Variants in WWOX observed in about 807,000 individuals in gnomAD.
The protein encoded by WWOX is WW domain-containing oxidoreductase.
A neutral mutation model predicts 46.2 loss-of-function variants in WWOX; 69 were observed. The ratio of observed to expected loss-of-function variants is 1.49; its 90% CI spans 1.23 to 1.82. The LOEUF is 1.82. Ranked by LOEUF, WWOX falls within the 40% of genes most tolerant of loss-of-function variation. WWOX has a pLI of 0.00. For synonymous variants in WWOX, 359 were observed against 202.6 expected (o/e 1.77, Z -6.56); for missense variants, 919 against 542.6 (o/e 1.69, Z -6.89).
intron 5 of WWOX, among the ~76,000 whole-genome samples, chr16:78,374,736 G>C (rs1222616455): frequency 6.6e-6 from 1 of 151,896 alleles, no homozygotes; most frequent in Admixed American, 6.6e-5. Context: ...ATTATTAGTA[G>C]AGATGGGGTT....
chr16:78,586,828 T>G (rs2045219642), intron 8 of WWOX, among the ~76,000 whole-genome samples: 1 of 152,130 alleles, frequency 6.6e-6, no homozygotes, highest in Non-Finnish European at 1.5e-5. Context: ...GGTCTATAAT[T>G]TCAGACTCAG....
intron 5 of WWOX, among the ~76,000 whole-genome samples, chr16:78,330,779 A>T (rs2080737847): frequency 6.6e-6 from 1 of 152,204 alleles, no homozygotes; most frequent in African/African-American, 2.4e-5. Context: ...CACTTCTTTC[A>T]GTCACCCTCA....
At chr16:78,363,625 C>T (rs1269662758) in intron 5 of WWOX, among the ~76,000 whole-genome samples, 1 of 152,134 alleles carries the variant, frequency 6.6e-6, no homozygotes, top group East Asian at 1.9e-4. Context: ...TCTGAGAGTC[C>T]CAGAAGGTAA....
intron 8 of WWOX, among the ~76,000 whole-genome samples, chr16:78,861,460 G>A (rs1411667185): frequency 6.6e-6 from 1 of 152,152 alleles, no homozygotes; most frequent in African/African-American, 2.4e-5. Context: ...ATTATTACAT[G>A]TGGCCATTGT....
At chr16:78,650,277 A>G (rs1453138601) in intron 8 of WWOX, among the ~76,000 whole-genome samples, 2 of 152,206 alleles carry the variant, frequency 1.3e-5, no homozygotes, top group African/African-American at 4.8e-5. Flanking sequence ...TTGAAGATGA[A>G]GAAGTATGTG....
chr16:78,995,655 C>T (rs2046975439), intron 8 of WWOX, among the ~76,000 whole-genome samples: 2 of 152,046 alleles, frequency 1.3e-5, no homozygotes, highest in Admixed American at 6.6e-5. Context: ...ATGGGGACAG[C>T]AAGATTACAT....
At chr16:78,374,611 C>T (rs1037651987) in intron 5 of WWOX, among the ~76,000 whole-genome samples, 3 of 137,432 alleles carry the variant, frequency 2.2e-5, no homozygotes, top group Non-Finnish European at 4.5e-5. Context: ...TGCAGTGGCG[C>T]GATCTTGGCT....
intron 4 of WWOX, among the ~76,000 whole-genome samples, chr16:78,161,385 TTTCTC>T (rs2151732340): frequency 6.6e-6 from 1 of 152,236 alleles, no homozygotes; most frequent in African/African-American, 2.4e-5. Context: ...CTATCCTTTC[TTTCTC>T]TTTTTTCTTT....
At chr16:78,848,439 C>A (rs1205337586) in intron 8 of WWOX, among the ~76,000 whole-genome samples, 2 of 152,290 alleles carry the variant, frequency 1.3e-5, no homozygotes, top group Non-Finnish European at 2.9e-5. Flanking sequence ...AAATGTAAGG[C>A]TCTGAGTGTT....
chr16:79,158,901 C>T (rs990181195), intron 8 of WWOX, among the ~76,000 whole-genome samples: 4 of 152,150 alleles, frequency 2.6e-5, no homozygotes, highest in Non-Finnish European at 5.9e-5. Flanking sequence ...CTGCTGTAGT[C>T]CCAGTTCCTA....
At chr16:78,495,201 C>T (rs1275334759) in intron 8 of WWOX, among the ~76,000 whole-genome samples, 1 of 130,816 alleles carries the variant, frequency 7.6e-6, no homozygotes, top group Non-Finnish European at 1.5e-5. Flanking sequence ...AGTGCGGTGG[C>T]ATGATCTCGG....
At chr16:78,367,444 G>C (rs545723700) in intron 5 of WWOX, among the ~76,000 whole-genome samples, 1 of 152,108 alleles carries the variant, frequency 6.6e-6, no homozygotes, top group South Asian at 2.1e-4. Context: ...CTATCATTAG[G>C]GTTAGTGTAT....
intron 8 of WWOX, among the ~76,000 whole-genome samples, chr16:79,050,776 G>A (rs781634957): frequency 2.0e-4 from 31 of 152,212 alleles, no homozygotes; most frequent in Non-Finnish European, 4.0e-4. Context: ...AGGGTGGGTC[G>A]AACCTGTTGA....
chr16:79,064,309 GT>G (rs2048405049), intron 8 of WWOX, among the ~76,000 whole-genome samples: 1 of 152,354 alleles, frequency 6.6e-6, no homozygotes, highest in East Asian at 1.9e-4. Flanking sequence ...TAAGATGATG[GT>G]TTAGGGCATA....
chr16:78,555,125 T>C (rs1273909268), intron 8 of WWOX, among the ~76,000 whole-genome samples: 1 of 149,136 alleles, frequency 6.7e-6, no homozygotes. Context: ...TCTCTTTCTC[T>C]CTGTCTTTTT....
chr16:79,166,670 C>G (rs371867179), intron 8 of WWOX, among the ~76,000 whole-genome samples: 6 of 152,154 alleles, frequency 3.9e-5, no homozygotes, highest in South Asian at 4.1e-4. Context: ...ATAGAATGAG[C>G]TAACCAAGGC....
At chr16:78,524,652 C>T (rs1238629353) in intron 8 of WWOX, among the ~76,000 whole-genome samples, 5 of 151,696 alleles carry the variant, frequency 3.3e-5, no homozygotes, top group Non-Finnish European at 7.4e-5. Context: ...AACTCCTGAC[C>T]TCGTGATCCA....
chr16:78,588,315 C>G (rs575725257), intron 8 of WWOX, among the ~76,000 whole-genome samples: 1 of 152,160 alleles, frequency 6.6e-6, no homozygotes, highest in African/African-American at 2.4e-5. Context: ...AATGGATAAT[C>G]TGGCTATTGC....
chr16:78,172,790 G>C (rs1252143096), intron 5 of WWOX, among the ~76,000 whole-genome samples: 4 of 152,058 alleles, frequency 2.6e-5, no homozygotes, highest in Non-Finnish European at 1.5e-5. Context: ...TCATTAATGT[G>C]GGGTCCCCTG....
Sources: allele counts gnomAD v4.1 joint callset (sites outside exome capture counted in the v4.1 genomes callset), GRCh38; gene constraint gnomAD v4.1.1; transcripts MANE v1.5; gene names NCBI Gene and HGNC (gene_info 2026-07-23, HGNC 2026-07-21).